C1RL: variants seen among roughly 807,000 people sequenced by gnomAD.
The protein encoded by C1RL is complement C1r subcomponent like.
A neutral mutation model predicts 27.9 loss-of-function variants in C1RL; 27 were observed. That is an observed-to-expected ratio of 0.97 (90% confidence interval 0.71 to 1.33). The LOEUF (loss-of-function observed/expected upper bound fraction) is 1.33. Among genes scored for constraint, C1RL ranks in the 40% most tolerant of loss-of-function variants. The probability of loss-of-function intolerance (pLI) is 0.00; values close to 1 mark genes in which losing one functional copy is unlikely to be tolerated. For missense variants in C1RL, 563 were observed against 623.9 expected, an observed-to-expected ratio of 0.90 and a Z score of 1.04; for synonymous variants, 248 against 252.1, an observed-to-expected ratio of 0.98 and a Z score of 0.15.
Position 7,109,160 on chromosome 12 carries a change from C to G in C1RL, c.21G>C (p.Trp7Cys). The change falls in exon 1 of 6, where the codon TGG (tryptophan) becomes TGC (cysteine). Residue 7 changes from tryptophan to cysteine, a missense_variant. Physicochemically the swap from Trp to Cys is radical, Grantham distance 215. Coordinates refer to ENST00000266542, the MANE Select transcript of C1RL (RefSeq NM_016546.4). ...GAGGGCTTCTCCAGAGATATTTCCC[C>G]CACACTCTGGGTCCAGGCATCTGGA... is the stretch of plus-strand genomic sequence containing the variant. MPGPRV[W>C]GKYLWRSPHS... is the part of the protein sequence containing the mutation. The G allele has an allele frequency of 6.2e-7, 1 of 1,601,900 alleles. No homozygotes were observed. The highest frequency in any genetic ancestry group is 8.5e-7 in the Non-Finnish European group (1 of 1,173,802).
Position 7,108,508 on chromosome 12 carries a change from G to A in C1RL, c.72-29C>T. 1.9e-6 allele frequency: 3 copies of A among 1,541,014 alleles called. No individual in the cohort carries two copies. In the African/African-American group the frequency reaches 4.1e-5, roughly 21 times the overall value. On this transcript the variant is annotated intron_variant, in intron 1 of 5. Coordinates refer to ENST00000266542, the MANE Select transcript of C1RL (RefSeq NM_016546.4). ...TGAGTTGGGGGGAGGGCAAGGTGGG[G>A]CCGCGCAGCTATGGCCGGAAGCCTG...
chr12:7,096,827 A>G lies in C1RL; in HGVS notation c.1028T>C (p.Leu343Pro). The G allele has an allele frequency of 1.2e-6, 2 of 1,604,600 alleles. No homozygotes were observed. Among genetic ancestry groups the G allele is most frequent in the South Asian group, 1.1e-5 (1 of 89,452 alleles). Residue 343 changes from leucine to proline, a missense_variant, in exon 6 of 6, where the codon CTG becomes CCG. Leu to Pro is a moderately conservative substitution (Grantham distance 98). Coordinates refer to ENST00000266542, the MANE Select transcript of C1RL (RefSeq NM_016546.4). ...CAGGGGGATGCTGTGCTGCAGCTCC[A>G]GGAGGGCGATGTCCCCGCTAAAGTT... ...SHNFSGDIAL[L>P]ELQHSIPLGP...
intron 5 of C1RL, among the ~76,000 whole-genome samples, chr12:7,099,054 A>T (rs139106507): frequency 0.084 from 12,225 of 145,346 alleles, 632 homozygotes; most frequent in African/African-American, 0.13. Context: ...AAAAAAAAAA[A>T]AAATAAAATA....
At chr12:7,101,772 C>T (rs1938631262) in intron 3 of C1RL, 126 bp downstream of exon 3, 1 of 1,001,510 alleles carries the variant, frequency 1.0e-6, no homozygotes, top group South Asian at 1.4e-5. Flanking sequence ...GGGCTGGGAT[C>T]CAGCCCAGGT....
chr12:7,100,841 A>G (rs2135756620), intron 3 of C1RL, among the ~76,000 whole-genome samples: 1 of 152,226 alleles, frequency 6.6e-6, no homozygotes, highest in East Asian at 1.9e-4. Flanking sequence ...TGCTGTCCAT[A>G]TGGAATGGGA....
rs796184367 is a variant in C1RL, at chr12:7,094,569, A to AT, written c.*1821dup. The stretch of plus-strand genomic sequence containing the variant: ...CACATATAAATATAGGTATATATAT[A>AT]TTTTTTTGCCTTGGCAGGGAGAAAC... On this transcript the variant is annotated 3_prime_UTR_variant, in exon 6 of 6. Transcript: ENST00000266542. The AT allele has an allele frequency of 1.5e-4, 88 of 573,698 alleles. 2 individuals are homozygous for AT. The highest frequency in any genetic ancestry group is 1.8e-3 in the Middle Eastern group (2 of 1,118). The allele number at this position is 573,698 out of a possible 1,614,324, so 35.5% of individuals were successfully genotyped here.
In C1RL at chr12:7,096,045, T is replaced by C. The variant is rs961618115; in HGVS notation, c.*346A>G. Reference sequence around the variant, plus strand: ...TAGCTGACTCTTCCACAGGTGAGTATAAAAGCTGTGTCAACAGATGAAGTA... The same window carrying C: ...TAGCTGACTCTTCCACAGGTGAGTACAAAAGCTGTGTCAACAGATGAAGTA... On this transcript the variant is annotated 3_prime_UTR_variant, in exon 6 of 6. Coordinates refer to ENST00000266542, the MANE Select transcript of C1RL (RefSeq NM_016546.4). 8 of 1,063,554 alleles carry C rather than the reference T, an allele frequency of 7.5e-6. No homozygotes were observed. Among genetic ancestry groups the C allele is most frequent in the Non-Finnish European group, 7.9e-6 (7 of 881,044 alleles). 65.9% of individuals were successfully genotyped at this position (1,063,554 alleles called of 1,614,324 possible).
chr12:7,097,993 C>G (rs1032562644), intron 5 of C1RL, among the ~76,000 whole-genome samples: 12 of 152,022 alleles, frequency 7.9e-5, no homozygotes, highest in African/African-American at 2.4e-4. Context: ...TTCGGCCGGG[C>G]GCGGTGGCTC....
chr12:7,096,064 T>C lies in C1RL; in HGVS notation c.*327A>G. ...TGAGTATAAAAGCTGTGTCAACAGA[T>C]GAAGTAGGGGAAGGCGGTTCTAAGG... On this transcript the variant is annotated 3_prime_UTR_variant, in exon 6 of 6. Transcript: ENST00000266542. 9.2e-7 allele frequency: 1 copy of C among 1,087,912 alleles called. No homozygotes were observed. Among genetic ancestry groups the C allele is most frequent in the East Asian group, 6.6e-5 (1 of 15,206 alleles). The allele number at this position is 1,087,912 out of a possible 1,614,324, so 67.4% of individuals were successfully genotyped here.
rs111395419 is a variant in C1RL, at chr12:7,108,490, G to C, written c.72-11C>G. 1.2e-3 allele frequency: 1,956 copies of C among 1,572,088 alleles called. 15 individuals carry two copies. The African/African-American group carries it at 0.022, about 18-fold the overall frequency. ...AGAAGCAGCCACCACCTGTGAGTTG[G>C]GGGGAGGGCAAGGTGGGGCCGCGCA... On this transcript the variant is annotated splice_polypyrimidine_tract_variant and intron_variant, in intron 1 of 5. Coordinates refer to ENST00000266542, the MANE Select transcript of C1RL (RefSeq NM_016546.4).
chr12:7,100,414 CCATGTGTGGCAGCAA>C (rs1485942403), intron 3 of C1RL, among the ~76,000 whole-genome samples: 3 of 152,176 alleles, frequency 2.0e-5, no homozygotes, highest in African/African-American at 7.2e-5. Context: ...CACAGTAGCA[CCATGTGTGGCAGCAA>C]AGTATCTATC....
intron 3 of C1RL, 94 bp from the exon 4 acceptor site, chr12:7,100,120 T>C: frequency 8.3e-7 from 1 of 1,197,684 alleles, no homozygotes; most frequent in East Asian, 2.6e-5. Flanking sequence ...TTGCACAGTG[T>C]TTTATTTTTT....
In C1RL at chr12:7,096,560, C is replaced by A. The variant is rs772105163; in HGVS notation, c.1295G>T (p.Cys432Phe). ...ATAGACGCTGCCACTGTCCCCCTGG[C>A]AGACACTGTGCCTTTGCGTCTCATC... is the stretch of plus-strand genomic sequence containing the variant. The part of the protein sequence containing the change: ...VGDETQRHSV[C>F]QGDSGSVYVV... The change falls in exon 6 of 6, where the codon TGC becomes TTC. Residue 432 changes from cysteine to phenylalanine, a missense_variant. By Grantham distance (205) the Cys-to-Phe change is radical (BLOSUM62 -2). Coordinates refer to ENST00000266542, the MANE Select transcript of C1RL (RefSeq NM_016546.4). 4 of 1,614,058 alleles carry A rather than the reference C, an allele frequency of 2.5e-6. No homozygotes were observed. The highest frequency in any genetic ancestry group is 3.4e-6 in the Non-Finnish European group (4 of 1,180,042).
chr12:7,104,918 A>G lies in C1RL; in HGVS notation c.301-2831T>C, dbSNP rs756442838. 5.9e-5 allele frequency among the ~76,000 whole-genome samples: 9 copies of G among 152,180 alleles called. No homozygotes were observed. The highest frequency in any genetic ancestry group is 1.2e-4 in the Non-Finnish European group (8 of 68,034). On this transcript the variant is annotated intron_variant, in intron 2 of 5. Coordinates refer to ENST00000266542, the MANE Select transcript of C1RL (RefSeq NM_016546.4). The surrounding 1 kb of genome is among the most constrained non-coding windows in gnomAD (Gnocchi z 5.4). ...GGTTTCATTCTATGTTATTTCTCTT[A>G]AAGTCATACTTTCCAAGAACCTATG...
chr12:7,101,707 C>T (rs767298312), intron 3 of C1RL, 191 bp downstream of exon 3: 52 of 594,826 alleles, frequency 8.7e-5, no homozygotes, highest in South Asian at 8.2e-4. Flanking sequence ...TGGAAACAAC[C>T]GCTGGGGGCT....
chr12:7,102,489 C>T (rs1020598794), intron 2 of C1RL, among the ~76,000 whole-genome samples: 5 of 152,222 alleles, frequency 3.3e-5, no homozygotes, highest in Non-Finnish European at 5.9e-5. Flanking sequence ...AGCACCACAG[C>T]GTTGACTCAA....
chr12:7,105,855 G>T (rs9989026), intron 2 of C1RL, among the ~76,000 whole-genome samples: 94,712 of 152,040 alleles, frequency 0.62, 29,941 homozygotes, highest in East Asian at 0.72. Flanking sequence ...ACTAAAAGAT[G>T]GGGATTTAAA....
chr12:7,099,052 AAAAAAT>A (rs1349254633), intron 5 of C1RL, among the ~76,000 whole-genome samples: 2 of 143,530 alleles, frequency 1.4e-5, no homozygotes, highest in Admixed American at 6.8e-5. Flanking sequence ...AAAAAAAAAA[AAAAAAT>A]AAAATAAAAT....
In C1RL at chr12:7,104,088, T is replaced by C. The variant is rs1382233748; in HGVS notation, c.301-2001A>G. On this transcript the variant is annotated intron_variant, in intron 2 of 5. Coordinates refer to ENST00000266542, the MANE Select transcript of C1RL (RefSeq NM_016546.4). This position sits in a 1 kb window ranked among gnomAD's most constrained non-coding sequence, Gnocchi z 5.4. ...TGTCAACACACTTTGGAAGATGGAG[T>C]GGAGATGCAAGTGATAACTTGAGTT... Among the ~76,000 whole-genome samples the C allele has an allele frequency of 1.3e-5, 2 of 151,010 alleles. No homozygotes were observed. The highest frequency in any genetic ancestry group is 4.9e-5 in the African/African-American group (2 of 41,030).
Sources: gnomAD v4.1 joint callset for allele counts (sites outside exome capture counted in the v4.1 genomes callset) on GRCh38, gnomAD v4.1.1 for gene constraint, Gnocchi (gnomAD v3.1) non-coding constraint, MANE v1.5 for transcripts, NCBI Gene and HGNC (gene_info 2026-07-23, HGNC 2026-07-21) for gene names.